The following PALLD variants were observed in gnomAD, a reference collection of about 807,000 sequenced individuals.
The protein encoded by PALLD is palladin, cytoskeletal associated protein.
In PALLD, 61 loss-of-function variants were observed where a neutral mutation model predicts 123.5. The observed-to-expected ratio is 0.49, with a 90% confidence interval of 0.40 to 0.61. The LOEUF is 0.61. Ranked by LOEUF, PALLD falls within the 20% of genes least tolerant of loss-of-function variation. PALLD has a pLI of 0.00. For synonymous variants in PALLD, 465 were observed against 496.4 expected (o/e 0.94, Z 0.84); for missense variants, 1,273 against 1,377.0 (o/e 0.92, Z 1.20).
intron 2 of PALLD, among the ~76,000 whole-genome samples, chr4:168,617,845 G>C (rs28472956): frequency 0.032 from 4,899 of 152,214 alleles, 258 homozygotes; most frequent in African/African-American, 0.11. Context: ...TAAGAGGAAA[G>C]AAAATGAAAC....
intron 10 of PALLD, among the ~76,000 whole-genome samples, chr4:168,813,074 G>C (rs1741397262): frequency 6.8e-6 from 1 of 147,160 alleles, no homozygotes; most frequent in Non-Finnish European, 1.5e-5. Context: ...TTTAAGTCTG[G>C]AATTTTTCTT....
intron 10 of PALLD, among the ~76,000 whole-genome samples, chr4:168,782,144 A>G (rs1736009388): frequency 6.6e-6 from 1 of 152,148 alleles, no homozygotes; most frequent in Non-Finnish European, 1.5e-5. Flanking sequence ...ACTGAATATT[A>G]TAGTACAACC....
At chr4:168,888,185 C>A (rs1753637428) in intron 10 of PALLD, among the ~76,000 whole-genome samples, 1 of 152,156 alleles carries the variant, frequency 6.6e-6, no homozygotes, top group African/African-American at 2.4e-5. Flanking sequence ...TCCTATGGTT[C>A]TTACTGTCTC....
intron 15 of PALLD, among the ~76,000 whole-genome samples, chr4:168,910,614 G>T (rs1725697442): frequency 6.6e-6 from 1 of 152,126 alleles, no homozygotes. Flanking sequence ...ACACAATGCT[G>T]CCCGGTGCTT....
At chr4:168,757,883 C>A (rs574743986) in intron 10 of PALLD, among the ~76,000 whole-genome samples, 1 of 152,150 alleles carries the variant, frequency 6.6e-6, no homozygotes, top group Non-Finnish European at 1.5e-5. Flanking sequence ...ACCAGCCTGA[C>A]CAACATGGCG....
intron 10 of PALLD, chr4:168,832,091 C>G (rs987214176): frequency 2.0e-5 from 20 of 985,344 alleles, no homozygotes; most frequent in Admixed American, 1.8e-4. Context: ...GCCCCGCGCC[C>G]GGTCCGCGGA....
At chr4:168,917,952 G>A (rs530082813) in intron 17 of PALLD, among the ~76,000 whole-genome samples, 1 of 152,256 alleles carries the variant, frequency 6.6e-6, no homozygotes, top group African/African-American at 2.4e-5. Context: ...TGTAATCCCA[G>A]CACTTTGGGA....
At chr4:168,771,180 C>G (rs1009903064) in intron 10 of PALLD, among the ~76,000 whole-genome samples, 1 of 151,970 alleles carries the variant, frequency 6.6e-6, no homozygotes, top group Non-Finnish European at 1.5e-5. Context: ...TTTTGAAATA[C>G]ATGATTATCA....
At chr4:168,775,374 A>G (rs1246854620) in intron 10 of PALLD, among the ~76,000 whole-genome samples, 1 of 152,102 alleles carries the variant, frequency 6.6e-6, no homozygotes, top group African/African-American at 2.4e-5. Flanking sequence ...TCTGTTGCCC[A>G]TTGTTTAATT....
chr4:168,623,829 A>G (rs902639913), intron 2 of PALLD, among the ~76,000 whole-genome samples: 1 of 152,188 alleles, frequency 6.6e-6, no homozygotes, highest in African/African-American at 2.4e-5. Flanking sequence ...ACATTCATCA[A>G]ACAACACAGT....
intron 10 of PALLD, among the ~76,000 whole-genome samples, chr4:168,713,928 T>C (rs1323257576): frequency 2.1e-5 from 3 of 144,954 alleles, no homozygotes; most frequent in Non-Finnish European, 4.5e-5. Context: ...TTACTTGTAC[T>C]AGGTTTTCCC....
chr4:168,698,038 T>C (rs1204356761), intron 8 of PALLD, among the ~76,000 whole-genome samples: 1 of 152,176 alleles, frequency 6.6e-6, no homozygotes, highest in Non-Finnish European at 1.5e-5. Context: ...TATTCAGCCA[T>C]AAGAAGGAAT....
chr4:168,890,689 C>T (rs1164195550), intron 10 of PALLD, among the ~76,000 whole-genome samples: 1 of 152,060 alleles, frequency 6.6e-6, no homozygotes, highest in African/African-American at 2.4e-5. Context: ...ATCTACCTAC[C>T]CACTAAGGCA....
In PALLD at chr4:168,512,340, G is replaced by T. The variant is rs886059209; in HGVS notation, c.836G>T (p.Ser279Ile). 1 of 1,614,142 alleles carries T rather than the reference G, an allele frequency of 6.2e-7. No homozygotes were observed. Among genetic ancestry groups the T allele is most frequent in the South Asian group, 1.1e-5 (1 of 91,090 alleles). ...AAPRFIQKLR[S>I]QEVAEGSRVY... The stretch of plus-strand genomic sequence containing the variant: ...CCTCGATTCATCCAAAAGCTGAGGA[G>T]CCAAGAAGTAGCAGAAGGGAGCCGA... Residue 279 changes from serine (S) to isoleucine (I), a missense_variant, in exon 2 of 22, where the codon AGC (serine) becomes ATC (isoleucine). Coordinates refer to ENST00000505667, the MANE Select transcript of PALLD (RefSeq NM_001166108.2).
rs1784873065 is a variant in PALLD, at chr4:168,711,916, C to A, written c.1957C>A (p.Pro653Thr). The change falls in exon 10 of 22, where the codon CCA (proline) becomes ACA (threonine). Residue 653 changes from proline to threonine, a missense_variant. By Grantham distance (38) the Pro-to-Thr change is conservative. Coordinates refer to ENST00000505667, the MANE Select transcript of PALLD (RefSeq NM_001166108.2). ...GGAGCCACCACCTCTGCTTGCCAAA[C>A]CAAAACTGTGAGTATTTCTGCATGG... ...TKEPPPLLAK[P>T]KLGFPKKASR... The A allele has an allele frequency of 6.2e-7, 1 of 1,611,998 alleles. No homozygotes were observed. Among genetic ancestry groups the A allele is most frequent in the Non-Finnish European group, 8.5e-7 (1 of 1,178,098 alleles).
At chr4:168,819,179 T>C (rs1742372476) in intron 10 of PALLD, among the ~76,000 whole-genome samples, 1 of 152,246 alleles carries the variant, frequency 6.6e-6, no homozygotes, top group Admixed American at 6.5e-5. Context: ...AGAACTGTTT[T>C]ACTTACTGAT....
Position 168,711,735 on chromosome 4 carries a change from A to C in PALLD, c.1776A>C (p.Leu592Phe), listed in dbSNP as rs1663442403. 6.2e-7 allele frequency: 1 copy of C among 1,614,212 alleles called. No homozygotes were observed. The highest frequency in any genetic ancestry group is 1.1e-5 in the South Asian group (1 of 91,084). ...TCCAGCAGGTGAACAACCCTGAGTT[A>C]GGCCTGAGCAGGGCAGCCCTTCAAA... is the stretch of plus-strand genomic sequence containing the variant. ...SEIQQVNNPE[L>F]GLSRAALQMQ... The change falls in exon 10 of 22, where the codon TTA (leucine) becomes TTC (phenylalanine). Residue 592 changes from leucine to phenylalanine, a missense_variant. Leu to Phe is a conservative substitution (Grantham distance 22, BLOSUM62 0). Transcript: ENST00000505667.
At chr4:168,837,997 C>T (rs1745440790) in intron 10 of PALLD, among the ~76,000 whole-genome samples, 2 of 152,150 alleles carry the variant, frequency 1.3e-5, no homozygotes, top group Non-Finnish European at 2.9e-5. Context: ...GGTTGCAGTT[C>T]AGGCAAGTAG....
At chr4:168,642,152 G>T (rs1029255729) in intron 2 of PALLD, among the ~76,000 whole-genome samples, 6 of 152,082 alleles carry the variant, frequency 3.9e-5, no homozygotes, top group Non-Finnish European at 1.5e-5. Context: ...CACATCCCTC[G>T]GGTCTTTCAG....
Sources: allele counts gnomAD v4.1 joint callset (sites outside exome capture counted in the v4.1 genomes callset), GRCh38; gene constraint gnomAD v4.1.1; transcripts MANE v1.5; gene names NCBI Gene and HGNC (gene_info 2026-07-23, HGNC 2026-07-21).